The following NEGR1 variants were observed in gnomAD, a reference collection of about 807,000 sequenced individuals.
NEGR1 encodes the protein neuronal growth regulator 1.
Under a neutral mutation model 40.9 loss-of-function variants are expected in NEGR1, and 10 were observed. The ratio of observed to expected loss-of-function variants is 0.24; its 90% CI spans 0.15 to 0.42. The LOEUF is 0.42. Among genes scored for constraint, NEGR1 ranks in the 10% least tolerant of loss-of-function variants. The probability of loss-of-function intolerance (pLI) is 1.00; values close to 1 mark genes in which losing one functional copy is unlikely to be tolerated. For synonymous variants in NEGR1, 185 were observed against 166.8 expected, an observed-to-expected ratio of 1.11 and a Z score of -0.84; for missense variants, 352 against 438.9, an observed-to-expected ratio of 0.80 and a Z score of 1.77.
chr1:72,137,041 A>G lies in NEGR1; in HGVS notation c.176+145278T>C, dbSNP rs144715825. On this transcript the variant is annotated intron_variant, in intron 1 of 6. Transcript: ENST00000357731. ...CAGATAAATGCAAATCAAAACCACAATGAGATACCATCTCACACCAATTAG... is the reference window on the plus strand; with the variant it reads ...CAGATAAATGCAAATCAAAACCACAGTGAGATACCATCTCACACCAATTAG... Among the ~76,000 whole-genome samples, 1,102 of 152,294 alleles carry G rather than the reference A, an allele frequency of 7.2e-3. 12 individuals carry two copies. The highest frequency in any genetic ancestry group is 0.026 in the African/African-American group (1,064 of 41,550).
At chr1:71,677,273 A>T (rs1009574654) in intron 4 of NEGR1, among the ~76,000 whole-genome samples, 4 of 152,094 alleles carry the variant, frequency 2.6e-5, no homozygotes, top group Non-Finnish European at 5.9e-5. Flanking sequence ...TGGTCTCCGG[A>T]TAGGATAAAA....
At position 72,193,939 on chromosome 1, in the gene NEGR1, A is replaced by G. The variant is rs1484703047; in HGVS notation, c.176+88380T>C. ...ATATACACACAGTTAGAGATAAAAT[A>G]TAGGGATGATATGCAAATTATTAAT... On this transcript the variant is annotated intron_variant, in intron 1 of 6. Coordinates refer to ENST00000357731, the MANE Select transcript of NEGR1 (RefSeq NM_173808.3). 2.6e-5 allele frequency among the ~76,000 whole-genome samples: 4 copies of G among 151,916 alleles called. 1 individual carries two copies. The South Asian group carries it at 6.2e-4, about 24-fold the overall frequency.
chr1:71,656,432 A>T (rs901178457), intron 4 of NEGR1, among the ~76,000 whole-genome samples: 5 of 152,022 alleles, frequency 3.3e-5, no homozygotes, highest in African/African-American at 1.2e-4. Flanking sequence ...TTGTTGTTTG[A>T]GACGGAGTCT....
chr1:71,550,165 T>C (rs983587010), intron 6 of NEGR1, among the ~76,000 whole-genome samples: 1 of 151,604 alleles, frequency 6.6e-6, no homozygotes, highest in African/African-American at 2.4e-5. Context: ...CTCGTCATCC[T>C]TTGCCACTCA....
chr1:72,237,133 C>A (rs1463609814), intron 1 of NEGR1, among the ~76,000 whole-genome samples: 1 of 151,788 alleles, frequency 6.6e-6, no homozygotes, highest in East Asian at 1.9e-4. Flanking sequence ...GTTCCTATCA[C>A]CATATAGGTT....
intron 1 of NEGR1, among the ~76,000 whole-genome samples, chr1:72,020,504 T>A (rs1265358745): frequency 6.6e-6 from 1 of 152,022 alleles, no homozygotes; most frequent in Non-Finnish European, 1.5e-5. Flanking sequence ...TTGTCAAGAC[T>A]AGATAAAACA....
rs146684066 is a variant in NEGR1, at chr1:71,718,708, G to C, written c.536-20569C>G. ...AAAGTATCACAGGATATATAAAAAA[G>C]CCTGCCATTTTTTTAATACAATCAG... On this transcript the variant is annotated intron_variant, in intron 3 of 6. Coordinates refer to ENST00000357731, the MANE Select transcript of NEGR1 (RefSeq NM_173808.3). Among the ~76,000 whole-genome samples the C allele has an allele frequency of 7.9e-5, 12 of 152,034 alleles. 1 individual carries two copies. In the East Asian group the frequency reaches 2.3e-3, roughly 29 times the overall value.
chr1:71,668,901 C>T (rs72677193), intron 4 of NEGR1, among the ~76,000 whole-genome samples: 41,976 of 151,904 alleles, frequency 0.28, 7,065 homozygotes, highest in South Asian at 0.42. Flanking sequence ...CATGTGTCAA[C>T]GTATGTTGAC....
intron 1 of NEGR1, among the ~76,000 whole-genome samples, chr1:72,043,063 T>C (rs1041024960): frequency 1.3e-5 from 2 of 151,892 alleles, no homozygotes; most frequent in Non-Finnish European, 2.9e-5. Flanking sequence ...CCAGGCCACA[T>C]ACCCTTAAAA....
chr1:71,979,306 C>T (rs1028922264), intron 1 of NEGR1, among the ~76,000 whole-genome samples: 25 of 152,110 alleles, frequency 1.6e-4, no homozygotes, highest in South Asian at 6.2e-4. Context: ...TGAACCCCCA[C>T]GGCATGAGTT....
At chr1:71,455,822 G>A (rs1646668886) in intron 6 of NEGR1, among the ~76,000 whole-genome samples, 1 of 152,128 alleles carries the variant, frequency 6.6e-6, no homozygotes, top group African/African-American at 2.4e-5. Context: ...ATTTATCACT[G>A]TCTAATTATA....
chr1:71,572,252 C>T (rs1243470184), intron 6 of NEGR1, among the ~76,000 whole-genome samples: 5 of 152,122 alleles, frequency 3.3e-5, no homozygotes, highest in African/African-American at 1.2e-4. Context: ...CAACACATAG[C>T]AAGTCTAAAC....
intron 1 of NEGR1, among the ~76,000 whole-genome samples, chr1:72,130,951 A>C (rs1650224964): frequency 6.6e-6 from 1 of 152,208 alleles, no homozygotes; most frequent in Non-Finnish European, 1.5e-5. Context: ...AATTAGGAAA[A>C]AGAGAGAAAT....
At chr1:71,627,392 G>T (rs140931608) in intron 4 of NEGR1, among the ~76,000 whole-genome samples, 4 of 151,958 alleles carry the variant, frequency 2.6e-5, no homozygotes, top group African/African-American at 4.8e-5. Context: ...TCTGGGCATC[G>T]GAGTTCTAGA....
chr1:71,717,352 T>C (rs1418433630), intron 3 of NEGR1, among the ~76,000 whole-genome samples: 1 of 152,226 alleles, frequency 6.6e-6, no homozygotes, highest in African/African-American at 2.4e-5. Flanking sequence ...AGCATATTTG[T>C]TTTTATTGTC....
At position 71,928,521 on chromosome 1, in the gene NEGR1, T is replaced by C. The variant is rs527418146; in HGVS notation, c.409+6558A>G. Among the ~76,000 whole-genome samples the C allele has an allele frequency of 2.1e-4, 31 of 145,816 alleles. 1 individual carries two copies. The highest frequency in any genetic ancestry group is 1.4e-3 in the Admixed American group (20 of 13,950). Reference sequence around the variant, plus strand: ...ACATATGTATACATGTGTATATATATACACACATCTATACACATATATATA... The same window carrying C: ...ACATATGTATACATGTGTATATATACACACACATCTATACACATATATATA... On this transcript the variant is annotated intron_variant, in intron 2 of 6. Transcript: ENST00000357731.
intron 1 of NEGR1, among the ~76,000 whole-genome samples, chr1:72,231,428 A>G (rs1480100680): frequency 6.6e-6 from 1 of 152,184 alleles, no homozygotes; most frequent in Non-Finnish European, 1.5e-5. Flanking sequence ...ATTGTTTTGT[A>G]TCAGATTCCT....
At chr1:72,261,344 AAATTT>A (rs1323769246) in intron 1 of NEGR1, among the ~76,000 whole-genome samples, 3 of 152,140 alleles carry the variant, frequency 2.0e-5, no homozygotes, top group Admixed American at 6.6e-5. Context: ...TTTAAAATAG[AAATTT>A]AATAGGCAAA....
intron 1 of NEGR1, among the ~76,000 whole-genome samples, chr1:72,143,112 T>C (rs12083421): frequency 6.6e-5 from 10 of 151,808 alleles, no homozygotes; most frequent in African/African-American, 2.4e-4. Context: ...AAATAAATTA[T>C]TTCTCTGTTT....
Sources: allele counts gnomAD v4.1 joint callset (sites outside exome capture counted in the v4.1 genomes callset), GRCh38; gene constraint gnomAD v4.1.1; transcripts MANE v1.5; gene names NCBI Gene and HGNC (gene_info 2026-07-23, HGNC 2026-07-21).